ROBO1: variants seen among roughly 807,000 people sequenced by gnomAD.
ROBO1 encodes roundabout guidance receptor 1.
In ROBO1, 149 loss-of-function variants were observed where a neutral mutation model predicts 195.9. The ratio of observed to expected loss-of-function variants is 0.76; its 90% CI spans 0.67 to 0.87. The LOEUF is 0.87. Ranked by LOEUF, ROBO1 falls within the 40% of genes least tolerant of loss-of-function variation. ROBO1 has a pLI of 0.00. For missense variants in ROBO1, 1,933 were observed against 2,068.3 expected (o/e 0.93, Z 1.27); for synonymous variants, 816 against 733.2 (o/e 1.11, Z -1.82).
chr3:79,392,079 G>A (rs1405930036), intron 2 of ROBO1, among the ~76,000 whole-genome samples: 1 of 152,134 alleles, frequency 6.6e-6, no homozygotes, highest in African/African-American at 2.4e-5. Flanking sequence ...TCTTGAAAGG[G>A]GGAAAAAAGT....
At chr3:79,512,160 A>G (rs879770234) in intron 2 of ROBO1, among the ~76,000 whole-genome samples, 14 of 149,494 alleles carry the variant, frequency 9.4e-5, no homozygotes, top group Admixed American at 9.4e-4. Flanking sequence ...ATTGAGGCCC[A>G]GAGAAATTAA....
At chr3:78,607,438 C>A (rs988675714) in intron 28 of ROBO1, 1 of 188,212 alleles carries the variant, frequency 5.3e-6, no homozygotes, top group African/African-American at 2.4e-5. Context: ...GTCTCAAACT[C>A]CTGGACTCAA....
At position 78,808,693 on chromosome 3, in the gene ROBO1, C is replaced by T. The variant is rs559082201; in HGVS notation, c.500-61793G>A. 9.8e-4 allele frequency among the ~76,000 whole-genome samples: 149 copies of T among 152,214 alleles called. 1 individual carries two copies. Among genetic ancestry groups the T allele is most frequent in the African/African-American group, 3.3e-3 (137 of 41,522 alleles). ...CTCAGAGACCTCAGAAATAACACCA[C>T]GCATCTACAACCATCTAATCTTTGA... On this transcript the variant is annotated intron_variant, in intron 4 of 30. Coordinates refer to ENST00000464233, the MANE Select transcript of ROBO1 (RefSeq NM_002941.4).
chr3:79,688,357 T>C (rs1947196208), intron 1 of ROBO1, among the ~76,000 whole-genome samples: 1 of 152,088 alleles, frequency 6.6e-6, no homozygotes, highest in Non-Finnish European at 1.5e-5. Context: ...ACCCTAAAAC[T>C]TAAAGTATAA....
At chr3:78,908,519 T>C (rs1361165993) in intron 4 of ROBO1, among the ~76,000 whole-genome samples, 1 of 151,948 alleles carries the variant, frequency 6.6e-6, no homozygotes, top group Non-Finnish European at 1.5e-5. Context: ...TAAAAGCTGG[T>C]TATAGAAAAA....
At chr3:79,285,118 T>C (rs947910656) in intron 2 of ROBO1, among the ~76,000 whole-genome samples, 1 of 152,308 alleles carries the variant, frequency 6.6e-6, no homozygotes, top group Non-Finnish European at 1.5e-5. Flanking sequence ...ACTTTCTCAG[T>C]AATTTATAAA....
chr3:78,885,136 T>G (rs2036469938), intron 4 of ROBO1, among the ~76,000 whole-genome samples: 2 of 152,112 alleles, frequency 1.3e-5, no homozygotes. Flanking sequence ...GAGGCCATTA[T>G]CCTTAGCAAA....
intron 3 of ROBO1, among the ~76,000 whole-genome samples, chr3:78,985,987 A>G (rs1351634334): frequency 1.3e-5 from 2 of 152,184 alleles, no homozygotes; most frequent in Non-Finnish European, 2.9e-5. Flanking sequence ...TAAGGAGATA[A>G]CATGAAGTTA....
At chr3:79,345,594 A>C (rs2035079395) in intron 2 of ROBO1, among the ~76,000 whole-genome samples, 1 of 152,174 alleles carries the variant, frequency 6.6e-6, no homozygotes, top group Non-Finnish European at 1.5e-5. Flanking sequence ...CCTCAGGCAC[A>C]CAAAATAGGA....
chr3:79,561,506 T>C (rs1186586547), intron 2 of ROBO1, among the ~76,000 whole-genome samples: 1 of 151,970 alleles, frequency 6.6e-6, no homozygotes, highest in African/African-American at 2.4e-5. Context: ...GGGACAAGAG[T>C]AGATTTAAAC....
rs895560768 is a variant in ROBO1, at chr3:79,468,262, T to C, written c.88+121562A>G. On this transcript the variant is annotated intron_variant, in intron 2 of 30. Coordinates refer to ENST00000464233, the MANE Select transcript of ROBO1 (RefSeq NM_002941.4). ...GCTGAGTACATCCTTTGTTATACTA[T>C]GTGAGACTTCCTTCTAAGCCTCTTA... Among the ~76,000 whole-genome samples, 11 of 152,350 alleles carry C rather than the reference T, an allele frequency of 7.2e-5. No homozygotes were observed. In the East Asian group the frequency reaches 2.1e-3, roughly 29 times the overall value.
intron 6 of ROBO1, 80 bp from the exon 7 acceptor site, chr3:78,717,493 A>G (rs978206029): frequency 3.2e-6 from 4 of 1,257,040 alleles, no homozygotes; most frequent in South Asian, 1.3e-5. Context: ...CAGTAAGAGC[A>G]TATTTTTAAT....
intron 2 of ROBO1, among the ~76,000 whole-genome samples, chr3:79,210,097 G>C (rs1161439453): frequency 3.3e-5 from 5 of 152,024 alleles, no homozygotes; most frequent in Admixed American, 3.3e-4. Context: ...GCTCATGGAT[G>C]AGTAGAATCT....
chr3:79,518,262 G>T (rs2107566807), intron 2 of ROBO1, among the ~76,000 whole-genome samples: 1 of 152,048 alleles, frequency 6.6e-6, no homozygotes, highest in African/African-American at 2.4e-5. Flanking sequence ...ACTCAGATTT[G>T]GGAGAAAAAA....
At chr3:78,829,456 T>C (rs1343416154) in intron 4 of ROBO1, among the ~76,000 whole-genome samples, 2 of 152,202 alleles carry the variant, frequency 1.3e-5, no homozygotes, top group Non-Finnish European at 2.9e-5. Flanking sequence ...ATTAGCTCTG[T>C]AGGCTTGGTC....
intron 2 of ROBO1, among the ~76,000 whole-genome samples, chr3:79,227,656 A>T (rs2082249511): frequency 6.6e-6 from 1 of 152,142 alleles, no homozygotes; most frequent in African/African-American, 2.4e-5. Context: ...CACTCAAATT[A>T]ATCTCTCTAC....
chr3:79,299,268 G>T (rs549488810), intron 2 of ROBO1, among the ~76,000 whole-genome samples: 5 of 152,114 alleles, frequency 3.3e-5, no homozygotes, highest in Non-Finnish European at 7.4e-5. Context: ...GAGCTTTGGG[G>T]TTATACAGAC....
At chr3:79,345,024 A>AAAGTC (rs1199645409) in intron 2 of ROBO1, among the ~76,000 whole-genome samples, 1 of 152,182 alleles carries the variant, frequency 6.6e-6, no homozygotes, top group Non-Finnish European at 1.5e-5. Context: ...TGAGTCAATT[A>AAAGTC]AACCTCTTTC....
chr3:79,472,481 A>G (rs1027095473), intron 2 of ROBO1, among the ~76,000 whole-genome samples: 28 of 152,154 alleles, frequency 1.8e-4, no homozygotes, highest in African/African-American at 6.8e-4. Flanking sequence ...TATATCATAC[A>G]GACATACTAA....
Sources: allele counts gnomAD v4.1 joint callset (sites outside exome capture counted in the v4.1 genomes callset), GRCh38; gene constraint gnomAD v4.1.1; transcripts MANE v1.5; gene names NCBI Gene and HGNC (gene_info 2026-07-23, HGNC 2026-07-21).